CSNK2A2IP: variants seen among roughly 807,000 people sequenced by gnomAD.
CSNK2A2IP encodes the protein casein kinase II subunit alpha'-interacting protein.
the CSNK2A2IP span, among the ~76,000 whole-genome samples, chr3:88,418,107 A>G: frequency 8.7e-6 from 1 of 115,184 alleles, no homozygotes; most frequent in African/African-American, 2.6e-5. Flanking sequence ...TTGTACGTAT[A>G]AGAAAATCCA....
chr3:88,466,344 T>C, the CSNK2A2IP span: 23 of 1,231,698 alleles, frequency 1.9e-5, no homozygotes, highest in South Asian at 9.0e-4. Context: ...TTATGCTTGA[T>C]TGTAACTTCC....
At chr3:88,407,712 CTATT>C in the CSNK2A2IP span, among the ~76,000 whole-genome samples, 9 of 150,058 alleles carry the variant, frequency 6.0e-5, no homozygotes, top group South Asian at 2.1e-4. Flanking sequence ...AGTGTGCAAT[CTATT>C]TATTTATTTA....
the CSNK2A2IP span, among the ~76,000 whole-genome samples, chr3:88,373,250 A>G: frequency 2.0e-5 from 3 of 151,500 alleles, no homozygotes; most frequent in Non-Finnish European, 1.5e-5. Context: ...CTGTATTAAT[A>G]CATTCAAAAG....
chr3:88,387,015 T>G, the CSNK2A2IP span, among the ~76,000 whole-genome samples: 2,499 of 152,242 alleles, frequency 0.016, 88 homozygotes, highest in African/African-American at 0.058. Context: ...ACAAGTCACA[T>G]GGAGATACAA....
the CSNK2A2IP span, among the ~76,000 whole-genome samples, chr3:88,439,295 G>C: frequency 6.6e-6 from 1 of 152,124 alleles, no homozygotes; most frequent in Admixed American, 6.5e-5. Context: ...TGTTTCTGTG[G>C]TGCTTCCTTT....
At chr3:88,465,051 G>C in the CSNK2A2IP span, 1 of 222,618 alleles carries the variant, frequency 4.5e-6, no homozygotes, top group Non-Finnish European at 8.7e-6. Flanking sequence ...TTTCTATCAG[G>C]ACCTCTTCTG....
the CSNK2A2IP span, among the ~76,000 whole-genome samples, chr3:88,421,821 G>A: frequency 2.6e-5 from 4 of 152,118 alleles, no homozygotes; most frequent in African/African-American, 7.2e-5. Flanking sequence ...AAGCCATCTG[G>A]ATTTGCTCTT....
the CSNK2A2IP span, among the ~76,000 whole-genome samples, chr3:88,447,430 T>C: frequency 6.6e-6 from 1 of 152,228 alleles, no homozygotes. Flanking sequence ...CTTAAAAATA[T>C]AAATTTTTAA....
chr3:88,351,042 C>G, the CSNK2A2IP span, among the ~76,000 whole-genome samples: 1 of 152,164 alleles, frequency 6.6e-6, no homozygotes, highest in Admixed American at 6.6e-5. Context: ...GGATTCTCAT[C>G]TGAGGACTAA....
the CSNK2A2IP span, among the ~76,000 whole-genome samples, chr3:88,386,274 G>C: frequency 6.6e-6 from 1 of 151,952 alleles, no homozygotes; most frequent in Non-Finnish European, 1.5e-5. Flanking sequence ...ACAGGCACCC[G>C]CCACCATGCC....
chr3:88,466,271 C>T, the CSNK2A2IP span: 13 of 1,231,614 alleles, frequency 1.1e-5, no homozygotes, highest in African/African-American at 2.0e-4. Context: ...CAATCAGCAT[C>T]ATCATATTTT....
chr3:88,375,918 C>T, the CSNK2A2IP span, among the ~76,000 whole-genome samples: 1 of 151,644 alleles, frequency 6.6e-6, no homozygotes, highest in African/African-American at 2.4e-5. Flanking sequence ...TGTGTCATCC[C>T]CATTAGTTGT....
chr3:88,446,021 CTTTGTTTCT>C, the CSNK2A2IP span, among the ~76,000 whole-genome samples: 6 of 85,522 alleles, frequency 7.0e-5, no homozygotes, highest in African/African-American at 2.0e-4. Flanking sequence ...TCTTTTCTTT[CTTTGTTTCT>C]TTTCTTTCTT....
chr3:88,418,437 A>AGTGTGTGT, the CSNK2A2IP span, among the ~76,000 whole-genome samples: 76 of 122,114 alleles, frequency 6.2e-4, no homozygotes, highest in Non-Finnish European at 1.0e-3. Flanking sequence ...ACTGAATGTC[A>AGTGTGTGT]GTGTGTGTGT....
the CSNK2A2IP span, among the ~76,000 whole-genome samples, chr3:88,394,508 G>A: frequency 6.6e-6 from 1 of 152,144 alleles, no homozygotes; most frequent in Non-Finnish European, 1.5e-5. Flanking sequence ...GAGTAGCTGG[G>A]ATTACAGGCA....
At chr3:88,392,418 A>G in the CSNK2A2IP span, among the ~76,000 whole-genome samples, 2 of 152,194 alleles carry the variant, frequency 1.3e-5, no homozygotes, top group African/African-American at 4.8e-5. Flanking sequence ...AGAGAAGACA[A>G]GGAGATGTAG....
chr3:88,451,731 C>CTCT, the CSNK2A2IP span, among the ~76,000 whole-genome samples: 3 of 143,440 alleles, frequency 2.1e-5, no homozygotes, highest in Admixed American at 6.9e-5. Flanking sequence ...ATCTCTCTCT[C>CTCT]TTTTTTTTTT....
the CSNK2A2IP span, among the ~76,000 whole-genome samples, chr3:88,388,330 G>A: frequency 6.6e-6 from 1 of 152,134 alleles, no homozygotes; most frequent in Non-Finnish European, 1.5e-5. Context: ...GGCCAATTAT[G>A]TTAATTAGAC....
At chr3:88,360,728 T>C in the CSNK2A2IP span, among the ~76,000 whole-genome samples, 2 of 152,214 alleles carry the variant, frequency 1.3e-5, no homozygotes, top group Non-Finnish European at 2.9e-5. Flanking sequence ...CTATTTGCTT[T>C]CTGGTTGTTT....
Sources: gnomAD v4.1 joint callset for allele counts (sites outside exome capture counted in the v4.1 genomes callset) on GRCh38, gnomAD v4.1.1 for gene constraint, MANE v1.5 for transcripts, NCBI Gene and HGNC (gene_info 2026-07-23, HGNC 2026-07-21) for gene names.